Variants in BRIP1 observed in about 807,000 individuals in gnomAD.
BRIP1 encodes the protein BRCA1 interacting DNA helicase 1.
A neutral mutation model predicts 119.7 loss-of-function variants in BRIP1; 88 were observed. The ratio of observed to expected loss-of-function variants is 0.74; its 90% CI spans 0.62 to 0.88. BRIP1 has a LOEUF of 0.88. BRIP1 is among the 40% of genes least tolerant of loss of function. The pLI is 0.00. For missense variants in BRIP1, 1,259 were observed against 1,455.4 expected (o/e 0.87, Z 2.20); for synonymous variants, 443 against 496.5 (o/e 0.89, Z 1.43).
At position 61,703,494 on chromosome 17, in the gene BRIP1, T is replaced by TCAA. The variant is rs1968921680; in HGVS notation, c.2493-9983_2493-9982insTTG. Among the ~76,000 whole-genome samples, 1 of 152,214 alleles carries TCAA rather than the reference T, an allele frequency of 6.6e-6. No individual in the cohort carries two copies. Among genetic ancestry groups the TCAA allele is most frequent in the Admixed American group, 6.5e-5 (1 of 15,280 alleles). ...CTTTGGCCACTTTTTAATGGGGTTG[T>TCAA]TTTTTGCTTGTCAATTTAAGTTCCT... On this transcript the variant is annotated intron_variant, in intron 17 of 19. Transcript: ENST00000259008. The surrounding 1 kb of genome is among the most constrained non-coding windows in gnomAD (Gnocchi z 5.0).
At chr17:61,694,066 TA>T (rs1157989122) in intron 17 of BRIP1, among the ~76,000 whole-genome samples, 1 of 152,076 alleles carries the variant, frequency 6.6e-6, no homozygotes, top group South Asian at 2.1e-4. Context: ...TTTGCTAGTT[TA>T]AAAAAACACA....
At position 61,798,198 on chromosome 17, in the gene BRIP1, G is replaced by A. The variant is rs2077931212; in HGVS notation, c.1340+902C>T. ...TGCATATCTATCTAATGGAATTCTAGATATCTATTTTTTTTTTAAACTGAG... is the reference window on the plus strand; with the variant it reads ...TGCATATCTATCTAATGGAATTCTAAATATCTATTTTTTTTTTAAACTGAG... On this transcript the variant is annotated intron_variant, in intron 9 of 19. Transcript: ENST00000259008. The surrounding 1 kb of genome is among the most constrained non-coding windows in gnomAD (Gnocchi z 5.5). Among the ~76,000 whole-genome samples, 1 of 151,750 alleles carries A rather than the reference G, an allele frequency of 6.6e-6. No homozygotes were observed. The highest frequency in any genetic ancestry group is 6.6e-5 in the Admixed American group (1 of 15,218).
chr17:61,808,409 G>T lies in BRIP1; in HGVS notation c.918+58C>A. 1 of 1,501,408 alleles carries T rather than the reference G, an allele frequency of 6.7e-7. No homozygotes were observed. Among genetic ancestry groups the T allele is most frequent in the Non-Finnish European group, 9.3e-7 (1 of 1,080,632 alleles). The allele number at this position is 1,501,408 out of a possible 1,614,324, so 93.0% of individuals were successfully genotyped here. ...AAAATGTACATATAAAACACATACT[G>T]AGTAATTTAAATATTTTCAGCCTTA... On this transcript the variant is annotated intron_variant, in intron 7 of 19. Transcript: ENST00000259008. The surrounding 1 kb of genome is among the most constrained non-coding windows in gnomAD (Gnocchi z 4.1).
chr17:61,704,721 ACTT>A lies in BRIP1; in HGVS notation c.2493-11212_2493-11210del, dbSNP rs2061666163. Among the ~76,000 whole-genome samples the A allele has an allele frequency of 1.3e-5, 2 of 152,110 alleles. No homozygotes were observed. Among genetic ancestry groups the A allele is most frequent in the African/African-American group, 4.8e-5 (2 of 41,420 alleles). On this transcript the variant is annotated intron_variant, in intron 17 of 19. Transcript: ENST00000259008. The surrounding 1 kb of genome is among the most constrained non-coding windows in gnomAD (Gnocchi z 5.7). ...TTTGTGGGTTTTGTGGAATTAATCT[ACTT>A]CATCTAAGTTATCAAATGTATATGT...
chr17:61,831,583 C>T lies in BRIP1; in HGVS notation c.627+15518G>A, dbSNP rs566851194. On this transcript the variant is annotated intron_variant, in intron 6 of 19. Coordinates refer to ENST00000259008, the MANE Select transcript of BRIP1 (RefSeq NM_032043.3). This position sits in a 1 kb window ranked among gnomAD's most constrained non-coding sequence, Gnocchi z 4.1. ...GTCAGAATTTCCTTCCTTTTAAAGG[C>T]TCAATAATATTCCATTGTATGTATA... 3.9e-5 allele frequency among the ~76,000 whole-genome samples: 6 copies of T among 152,268 alleles called. No individual in the cohort carries two copies. In the South Asian group the frequency reaches 1.0e-3, roughly 26 times the overall value.
Position 61,700,480 on chromosome 17 carries a change from T to C in BRIP1, c.2493-6968A>G, listed in dbSNP as rs1567743913. ...GTTTTGTTAGATATAGTATTCTTGGTTGACAGTCATTTTCTTTCAGCACTT... is the reference window on the plus strand; with the variant it reads ...GTTTTGTTAGATATAGTATTCTTGGCTGACAGTCATTTTCTTTCAGCACTT... On this transcript the variant is annotated intron_variant, in intron 17 of 19. Coordinates refer to ENST00000259008, the MANE Select transcript of BRIP1 (RefSeq NM_032043.3). This position sits in a 1 kb window ranked among gnomAD's most constrained non-coding sequence, Gnocchi z 4.1. 6.6e-6 allele frequency among the ~76,000 whole-genome samples: 1 copy of C among 152,220 alleles called. No individual in the cohort carries two copies. The highest frequency in any genetic ancestry group is 1.9e-4 in the East Asian group (1 of 5,198).
At chr17:61,835,032 T>C (rs1242421199) in intron 6 of BRIP1, among the ~76,000 whole-genome samples, 1 of 152,254 alleles carries the variant, frequency 6.6e-6, no homozygotes, top group Non-Finnish European at 1.5e-5. Context: ...AGGCAGAATA[T>C]CAGGGGTTGA....
chr17:61,859,972 G>T, intron 2 of BRIP1, 65 bp from the exon 3 acceptor site: 2 of 1,149,496 alleles, frequency 1.7e-6, no homozygotes, highest in Non-Finnish European at 2.6e-6. Flanking sequence ...CTCTCCATCT[G>T]AAGTTTAAAT....
Position 61,751,929 on chromosome 17 carries a change from T to A in BRIP1, c.2098-7338A>T, listed in dbSNP as rs979964785. Among the ~76,000 whole-genome samples the A allele has an allele frequency of 1.3e-5, 2 of 151,996 alleles. No homozygotes were observed. The highest frequency in any genetic ancestry group is 2.9e-5 in the Non-Finnish European group (2 of 67,978). ...GACTACAGGCGGACACCACCACACCTGACTAATTTTTGTATTTTTAGTAGA... is the reference window on the plus strand; with the variant it reads ...GACTACAGGCGGACACCACCACACCAGACTAATTTTTGTATTTTTAGTAGA... On this transcript the variant is annotated intron_variant, in intron 14 of 19. Transcript: ENST00000259008. The surrounding 1 kb of genome is among the most constrained non-coding windows in gnomAD (Gnocchi z 6.7).
In BRIP1 at chr17:61,769,375, T is replaced by C. The variant is rs2077415922; in HGVS notation, c.2097+7026A>G. 1.3e-5 allele frequency among the ~76,000 whole-genome samples: 2 copies of C among 152,162 alleles called. No individual in the cohort carries two copies. Among genetic ancestry groups the C allele is most frequent in the Non-Finnish European group, 1.5e-5 (1 of 68,024 alleles). On this transcript the variant is annotated intron_variant, in intron 14 of 19. Transcript: ENST00000259008. This position sits in a 1 kb window ranked among gnomAD's most constrained non-coding sequence, Gnocchi z 4.9. ...TCAATCCTGGTTCCTCATGTCCCCC[T>C]GAAATGAATTCTAATGTAGGCTTTC... is the stretch of plus-strand genomic sequence containing the variant.
At position 61,825,376 on chromosome 17, in the gene BRIP1, C is replaced by T. The variant is rs1446336638; in HGVS notation, c.628-16619G>A. 6.6e-6 allele frequency among the ~76,000 whole-genome samples: 1 copy of T among 151,764 alleles called. No homozygotes were observed. The highest frequency in any genetic ancestry group is 1.5e-5 in the Non-Finnish European group (1 of 67,974). On this transcript the variant is annotated intron_variant, in intron 6 of 19. Transcript: ENST00000259008. The surrounding 1 kb of genome is among the most constrained non-coding windows in gnomAD (Gnocchi z 4.1). ...ATATTATTGGAAGTCCTGGCCAGGG[C>T]AATCTGACAAGAGAAAGAAATAAAG...
rs1424187259 is a variant in BRIP1 at position 61,761,882 on chromosome 17, A to G, written c.2097+14519T>C. ...TAATCTCTATCAAAATTCCAATGTC[A>G]TTTTTCATAGAAATAGAAAAAAGAA... is the stretch of plus-strand genomic sequence containing the variant. On this transcript the variant is annotated intron_variant, in intron 14 of 19. Transcript: ENST00000259008. The surrounding 1 kb of genome is among the most constrained non-coding windows in gnomAD (Gnocchi z 6.4). Among the ~76,000 whole-genome samples the G allele has an allele frequency of 1.3e-5, 2 of 152,072 alleles. No homozygotes were observed. The highest frequency in any genetic ancestry group is 6.6e-5 in the Admixed American group (1 of 15,232).
chr17:61,847,973 C>T (rs2078759839), intron 5 of BRIP1, among the ~76,000 whole-genome samples: 1 of 152,058 alleles, frequency 6.6e-6, no homozygotes, highest in Admixed American at 6.6e-5. Context: ...TAGGTTCACA[C>T]CTCATTTGTC....
rs2078008765 is a variant in BRIP1, at chr17:61,802,347, C to A, written c.919-873G>T. On this transcript the variant is annotated intron_variant, in intron 7 of 19. Coordinates refer to ENST00000259008, the MANE Select transcript of BRIP1 (RefSeq NM_032043.3). The surrounding 1 kb of genome is among the most constrained non-coding windows in gnomAD (Gnocchi z 6.0). ...TGGTGGCGTACATCAATGGTCCTAG[C>A]TACTCAGGAAGCTGAGGCAGGAGGA... Among the ~76,000 whole-genome samples, 1 of 152,106 alleles carries A rather than the reference C, an allele frequency of 6.6e-6. No homozygotes were observed. Among genetic ancestry groups the A allele is most frequent in the South Asian group, 2.1e-4 (1 of 4,824 alleles).
rs71355193 is a variant in BRIP1 at position 61,772,820 on chromosome 17, G to GAAAA, written c.2097+3577_2097+3580dup. On this transcript the variant is annotated intron_variant, in intron 14 of 19. Coordinates refer to ENST00000259008, the MANE Select transcript of BRIP1 (RefSeq NM_032043.3). ...GCAACAAGGGTAAAATTCCATCTCA[G>GAAAA]AAAAAAAAAAAAAAAAAAAAAAACC... 9.1e-3 allele frequency among the ~76,000 whole-genome samples: 487 copies of GAAAA among 53,460 alleles called. 14 individuals are homozygous for GAAAA. The highest frequency in any genetic ancestry group is 0.026 in the Middle Eastern group (2 of 76). 35.1% of individuals were successfully genotyped at this position (53,460 alleles called of 152,430 possible).
chr17:61,819,219 C>A (rs1228683145), intron 6 of BRIP1, among the ~76,000 whole-genome samples: 1 of 148,234 alleles, frequency 6.7e-6, no homozygotes, highest in African/African-American at 2.5e-5. Context: ...ATCCAAAACA[C>A]AAGCAATAAC....
chr17:61,812,877 T>A (rs979609629), intron 6 of BRIP1, among the ~76,000 whole-genome samples: 1 of 152,158 alleles, frequency 6.6e-6, no homozygotes, highest in Non-Finnish European at 1.5e-5. Context: ...TCCTTGCCAC[T>A]GTTCCTTTCA....
At position 61,680,481 on chromosome 17, in the gene BRIP1, T is replaced by TTTTG. The variant is rs1555571895; in HGVS notation, c.*2814_*2815insCAAA. On this transcript the variant is annotated 3_prime_UTR_variant, in exon 20 of 20. Coordinates refer to ENST00000259008, the MANE Select transcript of BRIP1 (RefSeq NM_032043.3). ...GTTTACCAATTCTAAAGGTAATTTC[T>TTTTG]TTTTTTTTTTTTTTTTGAGACGGAG... 1.1e-4 allele frequency among the ~76,000 whole-genome samples: 2 copies of TTTTG among 18,002 alleles called. No homozygotes were observed. The highest frequency in any genetic ancestry group is 2.2e-4 in the Non-Finnish European group (2 of 9,118). The allele number at this position is 18,002 out of a possible 152,430, so 11.8% of individuals were successfully genotyped here. A position where few individuals can be genotyped will look rare whatever the true frequency, so the allele number is the denominator to read the frequency against.
chr17:61,781,076 A>G (rs895547868), intron 11 of BRIP1, 71 bp from the exon 12 acceptor site: 12 of 1,423,266 alleles, frequency 8.4e-6, no homozygotes, highest in Non-Finnish European at 1.2e-5. Context: ...ATACAATATA[A>G]AAACTGATTA....
Sources: gnomAD v4.1 joint callset for allele counts (sites outside exome capture counted in the v4.1 genomes callset) on GRCh38, gnomAD v4.1.1 for gene constraint, Gnocchi (gnomAD v3.1) non-coding constraint, MANE v1.5 for transcripts, NCBI Gene and HGNC (gene_info 2026-07-23, HGNC 2026-07-21) for gene names.